GPATCH1: variants seen among roughly 807,000 people sequenced by gnomAD.
GPATCH1 encodes G patch domain-containing protein 1.
GPATCH1 carries 73 observed loss-of-function variants against 114.9 expected under a neutral mutation model. That is an observed-to-expected ratio of 0.64 (90% CI 0.53 to 0.77). GPATCH1 has a LOEUF of 0.77. GPATCH1 is among the 30% of genes least tolerant of loss of function. GPATCH1 has a pLI of 0.00. For synonymous variants in GPATCH1, 391 were observed against 428.4 expected, an observed-to-expected ratio of 0.91 and a Z score of 1.08; for missense variants, 1,058 against 1,144.3, an observed-to-expected ratio of 0.92 and a Z score of 1.09.
chr19:33,128,502 C>T (rs940616628), intron 19 of GPATCH1, among the ~76,000 whole-genome samples: 45 of 152,310 alleles, frequency 3.0e-4, no homozygotes, highest in African/African-American at 9.9e-4. Context: ...CCTGGTGATC[C>T]GCCTGCCTTG....
At position 33,111,805 on chromosome 19, in the gene GPATCH1, T is replaced by C; in HGVS notation, c.1667T>C (p.Leu556Pro). Residue 556 changes from leucine to proline, a missense_variant, in exon 12 of 20, where the codon CTG (leucine) becomes CCG (proline). Around this residue, in one of 3 missense-constraint regions of GPATCH1, gnomAD observed 893 missense variants for 977.4 expected, o/e 0.91. Coordinates refer to ENST00000170564, the MANE Select transcript of GPATCH1 (RefSeq NM_018025.3). The stretch of plus-strand genomic sequence containing the variant: ...CGGGATGAGTTTGCCCGGGCGGCCC[T>C]GCTGTACGCATCTTCCCATTCGACC... Reference protein sequence around the residue: ...RERDEFARAALLYASSHSTLS... With the variant: ...RERDEFARAAPLYASSHSTLS... 6.2e-7 allele frequency: 1 copy of C among 1,614,094 alleles called. No homozygotes were observed. Among genetic ancestry groups the C allele is most frequent in the Non-Finnish European group, 8.5e-7 (1 of 1,179,972 alleles).
chr19:33,085,579 T>A (rs115786473), intron 1 of GPATCH1, among the ~76,000 whole-genome samples: 214 of 152,184 alleles, frequency 1.4e-3, no homozygotes, highest in African/African-American at 5.0e-3. Flanking sequence ...GGTCAGGGAA[T>A]GAGAGGAAGG....
chr19:33,108,125 C>T (rs959114443), intron 10 of GPATCH1, among the ~76,000 whole-genome samples: 1 of 152,126 alleles, frequency 6.6e-6, no homozygotes, highest in African/African-American at 2.4e-5. Flanking sequence ...GTCCACTACT[C>T]ATCTGCATTT....
intron 5 of GPATCH1, among the ~76,000 whole-genome samples, 164 bp downstream of exon 5, chr19:33,094,433 C>T (rs917564284): frequency 2.0e-5 from 3 of 152,128 alleles, no homozygotes; most frequent in Non-Finnish European, 2.9e-5. Context: ...ACGTTAGCCC[C>T]GCAAGTAGCT....
At chr19:33,092,519 T>A (rs888308310) in intron 3 of GPATCH1, among the ~76,000 whole-genome samples, 23 of 152,122 alleles carry the variant, frequency 1.5e-4, no homozygotes, top group Non-Finnish European at 2.8e-4. Context: ...CACTTCATAA[T>A]CCTGCCTCCC....
chr19:33,107,045 A>G (rs1385876584), intron 10 of GPATCH1, 146 bp downstream of exon 10: 1 of 636,542 alleles, frequency 1.6e-6, no homozygotes, highest in African/African-American at 1.8e-5. Context: ...TGTAAATGGC[A>G]TACATAATAG....
In GPATCH1 at chr19:33,112,543, C is replaced by T. The variant is rs982284156; in HGVS notation, c.1822C>T (p.Arg608Ter). ...VKMKMFGKLT[R>*]DTFEWHPDKL... ...GATGAAGATGTTTGGGAAGCTCACC[C>T]GAGACACGTTTGAGTGGCACCCTGA... Residue 608 changes from arginine (R) to a stop codon, truncating the protein, a stop_gained, in exon 13 of 20, where the codon CGA becomes TGA. Transcript: ENST00000170564. LOFTEE classifies it high-confidence loss of function. 3 of 1,613,768 alleles carry T rather than the reference C, an allele frequency of 1.9e-6. No homozygotes were observed. The highest frequency in any genetic ancestry group is 1.6e-4 in the Middle Eastern group (1 of 6,062).
At position 33,106,586 on chromosome 19, in the gene GPATCH1, AC is replaced by A. The variant is rs1173472153; in HGVS notation, c.1081-106del. ...TGTGCTACCTGCCTGCTGAGTGTTA[AC>A]CCGGGAAGGGGCGGGGTTAACAAGG... On this transcript the variant is annotated intron_variant, in intron 9 of 19. Coordinates refer to ENST00000170564, the MANE Select transcript of GPATCH1 (RefSeq NM_018025.3). 4 of 840,018 alleles carry A rather than the reference AC, an allele frequency of 4.8e-6. No individual in the cohort carries two copies. The African/African-American group carries it at 6.7e-5, about 14-fold the overall frequency. The allele number at this position is 840,018 out of a possible 1,614,324, so 52.0% of individuals were successfully genotyped here.
intron 1 of GPATCH1, among the ~76,000 whole-genome samples, chr19:33,082,930 C>G (rs1450110158): frequency 6.6e-6 from 1 of 152,062 alleles, no homozygotes; most frequent in African/African-American, 2.4e-5. Context: ...CAGTGCCCAA[C>G]ATTTTTTATT....
intron 3 of GPATCH1, among the ~76,000 whole-genome samples, chr19:33,092,867 C>G (rs1461153469): frequency 6.6e-6 from 1 of 152,044 alleles, no homozygotes; most frequent in Non-Finnish European, 1.5e-5. Flanking sequence ...TGGCCACTGG[C>G]TTTACCTTGT....
At chr19:33,109,494 T>C (rs1972824547) in intron 10 of GPATCH1, among the ~76,000 whole-genome samples, 1 of 152,072 alleles carries the variant, frequency 6.6e-6, no homozygotes, top group Non-Finnish European at 1.5e-5. Context: ...GGCTGGGCAA[T>C]AGAGCGAGAC....
At chr19:33,115,431 T>C (rs1331559178) in intron 15 of GPATCH1, among the ~76,000 whole-genome samples, 1 of 151,594 alleles carries the variant, frequency 6.6e-6, no homozygotes, top group Non-Finnish European at 1.5e-5. Context: ...TCTTTAGTGT[T>C]TGCGTAGTAT....
chr19:33,099,710 T>C (rs943552751), intron 8 of GPATCH1, among the ~76,000 whole-genome samples: 1 of 151,826 alleles, frequency 6.6e-6, no homozygotes, highest in Non-Finnish European at 1.5e-5. Context: ...GCGATTCTCT[T>C]GCCTCAGCCT....
At chr19:33,129,949 G>GAAAA (rs59303077) in intron 19 of GPATCH1, among the ~76,000 whole-genome samples, 181 bp from the exon 20 acceptor site, 1 of 139,828 alleles carries the variant, frequency 7.2e-6, no homozygotes, top group Admixed American at 7.2e-5. Context: ...CATCTCGGGG[G>GAAAA]AAAAAAAAAA....
chr19:33,102,207 G>A (rs972038590), intron 9 of GPATCH1, among the ~76,000 whole-genome samples: 1 of 151,206 alleles, frequency 6.6e-6, no homozygotes, highest in Non-Finnish European at 1.5e-5. Context: ...GGTGGTGGGC[G>A]CCTGTAATCC....
chr19:33,127,216 T>C (rs1387059497), intron 19 of GPATCH1, among the ~76,000 whole-genome samples: 5 of 151,538 alleles, frequency 3.3e-5, no homozygotes, highest in African/African-American at 1.2e-4. Flanking sequence ...TATGTGAATA[T>C]ATTATCATTA....
At chr19:33,121,435 TCACCC>T (rs1972983798) in intron 17 of GPATCH1, among the ~76,000 whole-genome samples, 1 of 149,622 alleles carries the variant, frequency 6.7e-6, no homozygotes, top group African/African-American at 2.5e-5. Flanking sequence ...TTCTCCTACC[TCACCC>T]TCCCAAGTAG....
rs1250134823 is a variant in GPATCH1 at position 33,095,761 on chromosome 19, G to C, written c.554-1G>C. On this transcript the variant is annotated splice_acceptor_variant, in intron 5 of 19. Coordinates refer to ENST00000170564, the MANE Select transcript of GPATCH1 (RefSeq NM_018025.3). LOFTEE classifies it high-confidence loss of function. ...TATTGCATTTGAAATCTCTTTTCTAGATCCTGGAGTCAAAATCTATGGCTG... is the reference window on the plus strand; with the variant it reads ...TATTGCATTTGAAATCTCTTTTCTACATCCTGGAGTCAAAATCTATGGCTG... 2 of 1,606,970 alleles carry C rather than the reference G, an allele frequency of 1.2e-6. No individual in the cohort carries two copies. Among genetic ancestry groups the C allele is most frequent in the Non-Finnish European group, 1.7e-6 (2 of 1,173,692 alleles).
Position 33,119,038 on chromosome 19 carries a change from A to G in GPATCH1, c.2442A>G (p.Pro814=), listed in dbSNP as rs1183861600. ...TTGTGCCAGCACCCCAGGAGCCGCC[A>G]CCTTCCTTCCCGATACAAAAGATGC... ...HALVPAPQEP[P]PSFPIQKMQI... is the part of the protein sequence containing the mutation. The change falls in exon 17 of 20, where the codon CCA becomes CCG. Residue 814 remains proline, a synonymous_variant. Transcript: ENST00000170564. 3 of 1,612,896 alleles carry G rather than the reference A, an allele frequency of 1.9e-6. No individual in the cohort carries two copies. Among genetic ancestry groups the G allele is most frequent in the East Asian group, 2.2e-5 (1 of 44,848 alleles).
Sources: allele counts gnomAD v4.1 joint callset (sites outside exome capture counted in the v4.1 genomes callset), GRCh38; gene constraint gnomAD v4.1.1; regional missense constraint gnomAD v4.1.1; transcripts MANE v1.5; gene names NCBI Gene and HGNC (gene_info 2026-07-23, HGNC 2026-07-21).